Variants in FAM124A observed in about 807,000 individuals in gnomAD.
FAM124A encodes the protein protein FAM124A.
FAM124A carries 23 observed loss-of-function variants against 24.5 expected under a neutral mutation model. The observed-to-expected ratio is 0.94, with a 90% CI of 0.68 to 1.33. The LOEUF (loss-of-function observed/expected upper bound fraction) is 1.33. Among genes scored for constraint, FAM124A ranks in the 40% most tolerant of loss-of-function variants. The pLI is 0.00. For missense variants in FAM124A, 623 were observed against 722.8 expected (o/e 0.86, Z 1.58); for synonymous variants, 287 against 314.7 (o/e 0.91, Z 0.93).
At chr13:51,236,061 TTCCTGTCGACA>T (rs1358285238) in intron 2 of FAM124A, among the ~76,000 whole-genome samples, 2 of 152,186 alleles carry the variant, frequency 1.3e-5, no homozygotes, top group African/African-American at 4.8e-5. Context: ...ATAGCCTCCC[TTCCTGTCGACA>T]TCCTCCCTAC....
chr13:51,263,056 C>T (rs1954752790), intron 3 of FAM124A, among the ~76,000 whole-genome samples: 1 of 152,186 alleles, frequency 6.6e-6, no homozygotes, highest in South Asian at 2.1e-4. Context: ...TGGGGAGCCA[C>T]AGCCTTTCCC....
chr13:51,256,254 G>A (rs1954673113), intron 3 of FAM124A, among the ~76,000 whole-genome samples: 1 of 152,216 alleles, frequency 6.6e-6, no homozygotes. Context: ...AAAATTGTGA[G>A]AGCAGGTAGT....
chr13:51,237,742 A>G (rs1010875052), intron 2 of FAM124A, among the ~76,000 whole-genome samples: 7 of 152,188 alleles, frequency 4.6e-5, no homozygotes, highest in Non-Finnish European at 1.0e-4. Context: ...TGAAGAATTC[A>G]AGCTTTTACT....
intron 3 of FAM124A, among the ~76,000 whole-genome samples, chr13:51,270,303 T>G (rs1196135992): frequency 6.6e-6 from 1 of 152,236 alleles, no homozygotes; most frequent in Non-Finnish European, 1.5e-5. Context: ...CGTACTTGCA[T>G]CCCATCTTGT....
chr13:51,245,771 A>G (rs907114096), intron 2 of FAM124A, among the ~76,000 whole-genome samples: 8 of 152,208 alleles, frequency 5.3e-5, no homozygotes, highest in African/African-American at 1.7e-4. Flanking sequence ...CTTTAAATGA[A>G]AGATTAAATG....
chr13:51,266,272 C>T (rs1954785224), intron 3 of FAM124A, among the ~76,000 whole-genome samples: 2 of 152,204 alleles, frequency 1.3e-5, no homozygotes, highest in South Asian at 4.1e-4. Context: ...AAGACACACA[C>T]AGTGTCTCTG....
At position 51,280,436 on chromosome 13, in the gene FAM124A, C is replaced by T; in HGVS notation, c.835-14C>T. 6.4e-7 allele frequency: 1 copy of T among 1,572,350 alleles called. No individual in the cohort carries two copies. Among genetic ancestry groups the T allele is most frequent in the African/African-American group, 1.4e-5 (1 of 73,712 alleles). On this transcript the variant is annotated splice_polypyrimidine_tract_variant and intron_variant, in intron 3 of 3. Transcript: ENST00000322475. Reference sequence around the variant, plus strand: ...CCCATCCTGCACTAATGTGATCTGCCTCTCCCCCCACAGGCACAAAGGGTG... The same window carrying T: ...CCCATCCTGCACTAATGTGATCTGCTTCTCCCCCCACAGGCACAAAGGGTG...
chr13:51,251,143 ACTTT>A lies in FAM124A; in HGVS notation c.101-322_101-319del, dbSNP rs1278668826. Among the ~76,000 whole-genome samples the A allele has an allele frequency of 7.9e-5, 12 of 152,170 alleles. No homozygotes were observed. The highest frequency in any genetic ancestry group is 2.9e-4 in the African/African-American group (12 of 41,452). On this transcript the variant is annotated intron_variant, in intron 2 of 3. Transcript: ENST00000322475. The surrounding 1 kb of genome is among the most constrained non-coding windows in gnomAD (Gnocchi z 5.3). ...TGTTCCTTCCAAGTCACTAGACTTGACTTTCTATTTGTCTGATACGTAAATATAA... is the reference window on the plus strand; with the variant it reads ...TGTTCCTTCCAAGTCACTAGACTTGACTATTTGTCTGATACGTAAATATAA...
chr13:51,236,118 G>A (rs1032786129), intron 2 of FAM124A, among the ~76,000 whole-genome samples: 3 of 152,200 alleles, frequency 2.0e-5, no homozygotes, highest in Non-Finnish European at 4.4e-5. Context: ...AACTGCCCTC[G>A]AAGCAGCCCC....
At chr13:51,270,115 G>A (rs17194865) in intron 3 of FAM124A, among the ~76,000 whole-genome samples, 18,698 of 152,118 alleles carry the variant, frequency 0.12, 1,244 homozygotes, top group Non-Finnish European at 0.15. Flanking sequence ...AAGGCCCTTT[G>A]CAACTCCAGG....
chr13:51,263,488 A>G (rs967954262), intron 3 of FAM124A, among the ~76,000 whole-genome samples: 3 of 152,204 alleles, frequency 2.0e-5, no homozygotes, highest in African/African-American at 7.2e-5. Flanking sequence ...GGAGCCCCAC[A>G]TGCCTCTCAG....
At chr13:51,248,527 C>T (rs996027722) in intron 2 of FAM124A, among the ~76,000 whole-genome samples, 1 of 152,250 alleles carries the variant, frequency 6.6e-6, no homozygotes, top group African/African-American at 2.4e-5. Context: ...AGACCATGCT[C>T]ACCTGAGTGG....
intron 2 of FAM124A, among the ~76,000 whole-genome samples, chr13:51,232,861 C>T (rs181281136): frequency 1.5e-4 from 23 of 152,292 alleles, no homozygotes; most frequent in Admixed American, 3.9e-4. Context: ...CCTCTGGTCA[C>T]GACACAACAC....
At chr13:51,239,373 A>G (rs1347517203) in intron 2 of FAM124A, among the ~76,000 whole-genome samples, 1 of 152,198 alleles carries the variant, frequency 6.6e-6, no homozygotes, top group African/African-American at 2.4e-5. Flanking sequence ...ATATTTATGT[A>G]GATATATAAC....
At chr13:51,245,211 G>T (rs574436954) in intron 2 of FAM124A, 28 of 472,636 alleles carry the variant, frequency 5.9e-5, no homozygotes, top group Non-Finnish European at 7.9e-5. Context: ...GACCAGGTGT[G>T]CCATTTGCAT....
intron 3 of FAM124A, among the ~76,000 whole-genome samples, chr13:51,266,674 G>C (rs949039034): frequency 1.2e-4 from 18 of 152,162 alleles, no homozygotes; most frequent in Admixed American, 5.9e-4. Context: ...CTTGGGAAGG[G>C]GGCCTGCCTC....
intron 3 of FAM124A, among the ~76,000 whole-genome samples, chr13:51,263,997 G>A (rs1397526906): frequency 6.6e-6 from 1 of 152,156 alleles, no homozygotes; most frequent in East Asian, 1.9e-4. Flanking sequence ...CCTTTTAGGA[G>A]AATCATTCAA....
intron 3 of FAM124A, chr13:51,252,990 G>A (rs1193304384): frequency 1.3e-5 from 2 of 152,212 alleles, no homozygotes; most frequent in African/African-American, 2.4e-5. Flanking sequence ...AATTCAGCAT[G>A]TATATTACAG....
intron 2 of FAM124A, among the ~76,000 whole-genome samples, chr13:51,247,208 C>G (rs749295164): frequency 1.3e-5 from 2 of 152,186 alleles, no homozygotes; most frequent in African/African-American, 2.4e-5. Context: ...CTGCCGTGGC[C>G]ACACATGGAT....
Sources: allele counts gnomAD v4.1 joint callset (sites outside exome capture counted in the v4.1 genomes callset), GRCh38; gene constraint gnomAD v4.1.1; non-coding constraint Gnocchi (gnomAD v3.1); transcripts MANE v1.5; gene names NCBI Gene and HGNC (gene_info 2026-07-23, HGNC 2026-07-21).